Variants in CNTNAP3 observed in about 807,000 individuals in gnomAD.
The protein encoded by CNTNAP3 is contactin-associated protein-like 3.
Under a neutral mutation model 92.1 loss-of-function variants are expected in CNTNAP3, and 36 were observed. That is an observed-to-expected ratio of 0.39 (90% confidence interval 0.30 to 0.52). The LOEUF (loss-of-function observed/expected upper bound fraction) is 0.52. Ranked by LOEUF, CNTNAP3 falls within the 20% of genes least tolerant of loss-of-function variation. The pLI, the probability that CNTNAP3 is intolerant of heterozygous loss-of-function variation, is 0.76. For synonymous variants in CNTNAP3, 232 were observed against 422.3 expected, an observed-to-expected ratio of 0.55 and a Z score of 5.53; for missense variants, 534 against 1,069.6, an observed-to-expected ratio of 0.50 and a Z score of 6.98.
At chr9:39,209,538 C>T in intron 3 of CNTNAP3, among the ~76,000 whole-genome samples, 1 of 58,362 alleles carries the variant, frequency 1.7e-5, no homozygotes, top group Non-Finnish European at 3.3e-5. Context: ...AGTTCTGCAG[C>T]CTCCAGCCTG....
At chr9:39,105,600 C>T (rs1306635607) in intron 15 of CNTNAP3, among the ~76,000 whole-genome samples, 4 of 152,076 alleles carry the variant, frequency 2.6e-5, no homozygotes, top group Non-Finnish European at 5.9e-5. Context: ...AATGTGGCAG[C>T]TCCTTTAAGC....
intron 15 of CNTNAP3, among the ~76,000 whole-genome samples, chr9:39,107,221 AAAAG>A (rs1826626793): frequency 6.6e-6 from 1 of 151,000 alleles, no homozygotes; most frequent in African/African-American, 2.4e-5. Context: ...CTGAGAAAGA[AAAAG>A]AAAAAAAGAA....
At chr9:39,135,986 G>A (rs374966546) in intron 12 of CNTNAP3, among the ~76,000 whole-genome samples, 4 of 151,584 alleles carry the variant, frequency 2.6e-5, no homozygotes, top group East Asian at 2.0e-4. Flanking sequence ...AAAATTAGCC[G>A]GGCGTGGTGG....
chr9:39,077,208 T>G (rs1470677711), intron 23 of CNTNAP3, among the ~76,000 whole-genome samples: 2 of 152,190 alleles, frequency 1.3e-5, no homozygotes, highest in Non-Finnish European at 1.5e-5. Context: ...CACAACATTG[T>G]AAATGTCCTT....
chr9:39,148,688 G>A (rs1373700268), intron 10 of CNTNAP3, among the ~76,000 whole-genome samples: 2 of 152,074 alleles, frequency 1.3e-5, no homozygotes, highest in African/African-American at 2.4e-5. Flanking sequence ...ACCATGCCTG[G>A]CTAATTTTTT....
At chr9:39,135,872 G>A (rs1340258507) in intron 12 of CNTNAP3, among the ~76,000 whole-genome samples, 1 of 152,128 alleles carries the variant, frequency 6.6e-6, no homozygotes, top group African/African-American at 2.4e-5. Context: ...GCTCACGCCT[G>A]TAATCCCAGC....
chr9:39,095,683 G>A (rs373316309), intron 18 of CNTNAP3, among the ~76,000 whole-genome samples: 3 of 141,518 alleles, frequency 2.1e-5, no homozygotes, highest in Admixed American at 1.4e-4. Context: ...ATCCTACTAC[G>A]TTTTGGTATA....
intron 13 of CNTNAP3, among the ~76,000 whole-genome samples, chr9:39,126,956 A>ATT (rs199862119): frequency 2.0e-5 from 3 of 151,196 alleles, no homozygotes; most frequent in Admixed American, 6.6e-5. Flanking sequence ...CAGAATATAC[A>ATT]TTTTTTTTTC....
chr9:39,083,390 G>C (rs1326353766), intron 21 of CNTNAP3, among the ~76,000 whole-genome samples: 1 of 152,076 alleles, frequency 6.6e-6, no homozygotes, highest in African/African-American at 2.4e-5. Flanking sequence ...GCCAGGTGTG[G>C]TGGCTCACAC....
chr9:39,173,132 TATA>T (rs1822275034), intron 7 of CNTNAP3: 1 of 134,306 alleles, frequency 7.4e-6, no homozygotes, highest in Non-Finnish European at 1.5e-5. Flanking sequence ...GTTATCATTT[TATA>T]ATAATCTTTA....
At position 39,136,935 on chromosome 9, in the gene CNTNAP3, T is replaced by C. The variant is rs528765020; in HGVS notation, c.1876+3584A>G. Among the ~76,000 whole-genome samples the C allele has an allele frequency of 2.6e-5, 4 of 152,288 alleles. No individual in the cohort carries two copies. The East Asian group carries it at 7.7e-4, about 29-fold the overall frequency. On this transcript the variant is annotated intron_variant, in intron 12 of 23. Transcript: ENST00000297668. ...AGTTTACTTTTATCTTTGAATTCTATAGTTTGAAAATATAAGCCTGGTAGA... is the reference window on the plus strand; with the variant it reads ...AGTTTACTTTTATCTTTGAATTCTACAGTTTGAAAATATAAGCCTGGTAGA...
At chr9:39,101,973 C>A (rs1178916441) in intron 17 of CNTNAP3, among the ~76,000 whole-genome samples, 1 of 152,136 alleles carries the variant, frequency 6.6e-6, no homozygotes, top group Admixed American at 6.5e-5. Context: ...AATACCTAAA[C>A]ATTGATACCT....
At chr9:39,140,094 C>G (rs895422841) in intron 12 of CNTNAP3, 2 of 155,438 alleles carry the variant, frequency 1.3e-5, no homozygotes, top group African/African-American at 4.8e-5. Flanking sequence ...AATCAAGTTT[C>G]TTTGGTTATG....
At chr9:39,139,711 A>G (rs1428224800) in intron 12 of CNTNAP3, 1 of 151,840 alleles carries the variant, frequency 6.6e-6, no homozygotes, top group African/African-American at 2.4e-5. Flanking sequence ...TTCTAGTGCA[A>G]TCTTCTATAA....
chr9:39,105,252 C>T (rs1359152441), intron 15 of CNTNAP3, among the ~76,000 whole-genome samples: 1 of 152,092 alleles, frequency 6.6e-6, no homozygotes, highest in East Asian at 1.9e-4. Context: ...ATGGTGAAAC[C>T]CCGTCTCTAC....
rs931884618 is a variant in CNTNAP3, at chr9:39,071,001, T to G, written c.*2889A>C. Reference sequence around the variant, plus strand: ...ATGGATTGAAGTTAAGAGAGAGAAGTGCCAGGAGTTCAGTCCACGCATGAC... The same window carrying G: ...ATGGATTGAAGTTAAGAGAGAGAAGGGCCAGGAGTTCAGTCCACGCATGAC... On this transcript the variant is annotated 3_prime_UTR_variant, in exon 24 of 24. Coordinates refer to ENST00000297668, the MANE Select transcript of CNTNAP3 (RefSeq NM_033655.5). Among the ~76,000 whole-genome samples the G allele has an allele frequency of 1.1e-4, 17 of 152,360 alleles. No individual in the cohort carries two copies. Among genetic ancestry groups the G allele is most frequent in the Middle Eastern group, 3.4e-3 (1 of 294 alleles).
chr9:39,086,539 A>C (rs1266490452), intron 20 of CNTNAP3, 177 bp downstream of exon 20: 18 of 832,062 alleles, frequency 2.2e-5, no homozygotes, highest in Non-Finnish European at 3.3e-5. Context: ...AGCAATACAG[A>C]ATAAACAACC....
chr9:39,162,054 C>T (rs1822087423), intron 9 of CNTNAP3, among the ~76,000 whole-genome samples: 3 of 116,940 alleles, frequency 2.6e-5, no homozygotes, highest in South Asian at 2.7e-4. Flanking sequence ...ACAGAGTAAA[C>T]AGACAACCTA....
chr9:39,114,081 CTT>C (rs963951891), intron 14 of CNTNAP3, among the ~76,000 whole-genome samples: 15 of 130,288 alleles, frequency 1.2e-4, no homozygotes, highest in African/African-American at 1.7e-4. Flanking sequence ...CACACACATA[CTT>C]TTTTTTTTTT....
Sources: allele counts gnomAD v4.1 joint callset (sites outside exome capture counted in the v4.1 genomes callset), GRCh38; gene constraint gnomAD v4.1.1; transcripts MANE v1.5; gene names NCBI Gene and HGNC (gene_info 2026-07-23, HGNC 2026-07-21).